Variants in FAM20C observed in about 807,000 individuals in gnomAD.
FAM20C encodes FAM20C golgi associated secretory pathway kinase, also known as extracellular serine/threonine protein kinase FAM20C.
Under a neutral mutation model 51.5 loss-of-function variants are expected in FAM20C, and 40 were observed. That is an observed-to-expected ratio of 0.78 (90% CI 0.60 to 1.01). FAM20C has a LOEUF of 1.01. Among genes scored for constraint, FAM20C ranks in the 50% least tolerant of loss-of-function variants. The pLI, the probability that FAM20C is intolerant of heterozygous loss-of-function variation, is 0.00. For missense variants in FAM20C, 861 were observed against 844.7 expected (o/e 1.02, Z -0.24); for synonymous variants, 406 against 380.6 (o/e 1.07, Z -0.78).
In FAM20C at chr7:200,417, C is replaced by T. The variant is rs1038141366; in HGVS notation, c.784+4685C>T. Among the ~76,000 whole-genome samples the T allele has an allele frequency of 2.0e-5, 3 of 152,200 alleles. No individual in the cohort carries two copies. In the East Asian group the frequency reaches 5.8e-4, roughly 29 times the overall value. On this transcript the variant is annotated intron_variant, in intron 2 of 9. Transcript: ENST00000313766. ...GATTTCAAGTGGAGCCTGGAGGAGG[C>T]GGCAAATAGCTCAGTCCGCACTCAA... is the stretch of plus-strand genomic sequence containing the variant.
chr7:253,743 C>T (rs1207663934), intron 5 of FAM20C, among the ~76,000 whole-genome samples: 2 of 145,856 alleles, frequency 1.4e-5, no homozygotes, highest in Non-Finnish European at 3.1e-5. Context: ...CCCGGGAGGC[C>T]CCTTTAATAC....
chr7:258,811 G>T, intron 9 of FAM20C, 106 bp downstream of exon 9: 1 of 1,123,336 alleles, frequency 8.9e-7, no homozygotes, highest in Non-Finnish European at 1.2e-6. Context: ...TCACATGGGA[G>T]AGAAAAGGCC....
intron 3 of FAM20C, among the ~76,000 whole-genome samples, chr7:243,947 T>TA (rs1554254472): frequency 6.5e-5 from 7 of 106,908 alleles, no homozygotes; most frequent in Non-Finnish European, 1.3e-4. Context: ...TAATAATAAT[T>TA]ATTATTATTA....
At chr7:205,396 C>CGG (rs1368146876) in intron 2 of FAM20C, among the ~76,000 whole-genome samples, 2 of 150,582 alleles carry the variant, frequency 1.3e-5, no homozygotes, top group African/African-American at 2.4e-5. Flanking sequence ...CACACCACCA[C>CGG]ACCAGTTAAT....
chr7:204,516 C>T (rs1004043894), intron 2 of FAM20C, among the ~76,000 whole-genome samples: 1 of 152,194 alleles, frequency 6.6e-6, no homozygotes, highest in Non-Finnish European at 1.5e-5. Context: ...GGCACGTGAC[C>T]CGGGGTGTGA....
intron 8 of FAM20C, among the ~76,000 whole-genome samples, chr7:257,763 C>CTGGGTGG (rs1562400777): frequency 3.4e-5 from 5 of 145,378 alleles, no homozygotes; most frequent in African/African-American, 1.0e-4. Context: ...TGGAGATGGG[C>CTGGGTGG]AGGGTGGACC....
At chr7:213,952 G>T (rs976744906) in intron 3 of FAM20C, among the ~76,000 whole-genome samples, 1 of 152,180 alleles carries the variant, frequency 6.6e-6, no homozygotes, top group Non-Finnish European at 1.5e-5. Context: ...GGCCATTGAC[G>T]TGTCTTCTTT....
chr7:256,654 G>A lies in FAM20C; in HGVS notation c.1254G>A (p.Glu418=). 3.9e-6 allele frequency: 6 copies of A among 1,535,570 alleles called. No individual in the cohort carries two copies. Among genetic ancestry groups the A allele is most frequent in the Non-Finnish European group, 5.2e-6 (6 of 1,146,416 alleles). The part of the protein sequence containing the change: ...RRSYHKRKKA[E]WEVDPDYCEE... ...CCCGTCTCACGCTGGCTCCCCGCAG[G>A]TGGGAGGTGGACCCTGACTACTGCG... is the stretch of plus-strand genomic sequence containing the variant. The change falls in exon 7 of 10, where the codon GAG becomes GAA. Residue 418 remains glutamate, a splice_region_variant and synonymous_variant. Transcript: ENST00000313766.
intron 5 of FAM20C, among the ~76,000 whole-genome samples, chr7:252,833 C>A (rs1788452262): frequency 6.6e-6 from 1 of 152,248 alleles, no homozygotes; most frequent in African/African-American, 2.4e-5. Flanking sequence ...GAGCCCACAT[C>A]TTCTAAGCCC....
At chr7:196,255 G>A (rs906909154) in intron 2 of FAM20C, among the ~76,000 whole-genome samples, 3 of 152,036 alleles carry the variant, frequency 2.0e-5, no homozygotes, top group Non-Finnish European at 4.4e-5. Flanking sequence ...GGCTCAGGAC[G>A]GAGGCCTGGG....
At position 260,226 on chromosome 7, in the gene FAM20C, C is replaced by A; in HGVS notation, c.*246C>A. On this transcript the variant is annotated 3_prime_UTR_variant, in exon 10 of 10. Transcript: ENST00000313766. ...GGACAGAGGCGGCCGGCGCCGGAGG[C>A]ATTCCATCCTTTCTGTAGGGAAAGG... The A allele has an allele frequency of 2.2e-6, 1 of 460,320 alleles. No homozygotes were observed. 28.5% of individuals were successfully genotyped at this position (460,320 alleles called of 1,614,324 possible).
chr7:215,112 C>T (rs1300656014), intron 3 of FAM20C, among the ~76,000 whole-genome samples: 1 of 151,836 alleles, frequency 6.6e-6, no homozygotes, highest in Non-Finnish European at 1.5e-5. Context: ...CCCAAAGTGG[C>T]CCAGGAGGAC....
At chr7:235,436 C>G (rs1787818128) in intron 3 of FAM20C, among the ~76,000 whole-genome samples, 2 of 152,178 alleles carry the variant, frequency 1.3e-5, no homozygotes, top group Non-Finnish European at 2.9e-5. Context: ...GTGTGAGTCT[C>G]AGGACAAATG....
intron 5 of FAM20C, among the ~76,000 whole-genome samples, chr7:253,862 G>A (rs1052802402): frequency 2.0e-4 from 31 of 152,252 alleles, no homozygotes; most frequent in Non-Finnish European, 3.4e-4. Flanking sequence ...GCTGTTAACA[G>A]CAGACGAATT....
At chr7:256,567 G>A (rs1016683001) in intron 6 of FAM20C, 87 bp from the exon 7 acceptor site, 59 of 1,090,078 alleles carry the variant, frequency 5.4e-5, no homozygotes, top group South Asian at 1.1e-4. Context: ...GGTCCCTGCC[G>A]CAGTGTTTCT....
chr7:210,109 A>G (rs994624421), intron 3 of FAM20C, among the ~76,000 whole-genome samples: 4 of 152,184 alleles, frequency 2.6e-5, no homozygotes, highest in Non-Finnish European at 5.9e-5. Flanking sequence ...CCGTTCACCA[A>G]AATTACACGG....
chr7:256,969 C>A, intron 7 of FAM20C, 36 bp from the exon 8 acceptor site: 1 of 1,535,356 alleles, frequency 6.5e-7, no homozygotes, highest in Non-Finnish European at 8.7e-7. Flanking sequence ...GGCCCGGCTC[C>A]CCACGAGCTG....
chr7:210,906 G>T (rs1280339857), intron 3 of FAM20C, among the ~76,000 whole-genome samples: 1 of 152,160 alleles, frequency 6.6e-6, no homozygotes, highest in Non-Finnish European at 1.5e-5. Flanking sequence ...CTCGGTAGCT[G>T]TGGGCCCGGC....
At chr7:256,819 G>A (rs1788608912) in intron 7 of FAM20C, 56 bp downstream of exon 7, 2 of 1,469,322 alleles carry the variant, frequency 1.4e-6, no homozygotes, top group African/African-American at 2.8e-5. Flanking sequence ...TGGAGCGGAT[G>A]CACGCAGGGC....
Sources: gnomAD v4.1 joint callset for allele counts (sites outside exome capture counted in the v4.1 genomes callset) on GRCh38, gnomAD v4.1.1 for gene constraint, MANE v1.5 for transcripts, NCBI Gene and HGNC (gene_info 2026-07-23, HGNC 2026-07-21) for gene names.